Variants in ATP2A1 observed in about 807,000 individuals in gnomAD.
ATP2A1 encodes the protein ATPase sarcoplasmic/endoplasmic reticulum Ca2+ transporting 1.
A neutral mutation model predicts 109.5 loss-of-function variants in ATP2A1; 83 were observed. The ratio of observed to expected loss-of-function variants is 0.76; its 90% CI spans 0.63 to 0.91. The LOEUF (loss-of-function observed/expected upper bound fraction) is 0.91, where lower values mean the gene tolerates loss of function less well. ATP2A1 is among the 40% of genes least tolerant of loss of function. The pLI, the probability that ATP2A1 is intolerant of heterozygous loss-of-function variation, is 0.00. For missense variants in ATP2A1, 1,101 were observed against 1,341.0 expected, an observed-to-expected ratio of 0.82 and a Z score of 2.80; for synonymous variants, 505 against 537.6, an observed-to-expected ratio of 0.94 and a Z score of 0.84.
Position 28,887,676 on chromosome 16 carries a change from C to T in ATP2A1, c.882C>T (p.Tyr294=). ...HGGSWFRGAI[Y]YFKIAVALAV... ...GCTCCTGGTTCCGCGGGGCCATCTA[C>T]TACTTTAAGATTGCCGTGGCCTTGG... is the stretch of plus-strand genomic sequence containing the variant. Residue 294 remains tyrosine (Y), a synonymous_variant, in exon 8 of 23, where the codon TAC becomes TAT. Transcript: ENST00000395503. The T allele has an allele frequency of 6.2e-7, 1 of 1,614,164 alleles. No homozygotes were observed.
At position 28,887,445 on chromosome 16, in the gene ATP2A1, C is replaced by G; in HGVS notation, c.651C>G (p.Gly217=). ...MLFSGTNIAA[G]KALGIVATTG... ...CCCAGGGCACCAACATTGCAGCCGG[C>G]AAGGCCTTGGGCATCGTGGCCACCA... The change falls in exon 8 of 23, where the codon GGC becomes GGG. Residue 217 remains glycine (G), a synonymous_variant. Coordinates refer to ENST00000395503, the MANE Select transcript of ATP2A1 (RefSeq NM_004320.6). 6.2e-7 allele frequency: 1 copy of G among 1,614,062 alleles called. No homozygotes were observed. The highest frequency in any genetic ancestry group is 8.5e-7 in the Non-Finnish European group (1 of 1,180,018).
chr16:28,903,553 G>T lies in ATP2A1; in HGVS notation c.2980+113G>T. 1 of 1,236,470 alleles carries T rather than the reference G, an allele frequency of 8.1e-7. No homozygotes were observed. 76.6% of individuals were successfully genotyped at this position (1,236,470 alleles called of 1,614,324 possible). On this transcript the variant is annotated intron_variant, in intron 21 of 22. Coordinates refer to ENST00000395503, the MANE Select transcript of ATP2A1 (RefSeq NM_004320.6). This position sits in a 1 kb window ranked among gnomAD's most constrained non-coding sequence, Gnocchi z 5.6. Reference sequence around the variant, plus strand: ...GGTGGTAAGTTTCTCAGCCCTGGCAGGACCTGTGTCCGCCCCGTTCCCCCT... The same window carrying T: ...GGTGGTAAGTTTCTCAGCCCTGGCATGACCTGTGTCCGCCCCGTTCCCCCT...
chr16:28,902,120 G>T lies in ATP2A1; in HGVS notation c.2321+37G>T, dbSNP rs773544576. 2 of 1,613,872 alleles carry T rather than the reference G, an allele frequency of 1.2e-6. No individual in the cohort carries two copies. The highest frequency in any genetic ancestry group is 1.3e-5 in the African/African-American group (1 of 74,946). ...GGTGGGCGTCCAGGAGGAAGCCGGG[G>T]TTAGGGTGGGGTGGCTGCAGGTCTG... On this transcript the variant is annotated intron_variant, in intron 16 of 22. Transcript: ENST00000395503. This position sits in a 1 kb window ranked among gnomAD's most constrained non-coding sequence, Gnocchi z 4.8.
At chr16:28,899,989 A>T (rs1964025142) in intron 14 of ATP2A1, among the ~76,000 whole-genome samples, 1 of 145,042 alleles carries the variant, frequency 6.9e-6, no homozygotes, top group African/African-American at 2.6e-5. Flanking sequence ...AAACAAAAAC[A>T]AAAAAAAGGA....
Position 28,902,640 on chromosome 16 carries a change from G to T in ATP2A1, c.2585G>T (p.Gly862Val). The change falls in exon 18 of 23, where the codon GGG (glycine) becomes GTG (valine). Residue 862 changes from glycine (G) to valine (V), a missense_variant. Transcript: ENST00000395503. This position sits in a 1 kb window ranked among gnomAD's most constrained non-coding sequence, Gnocchi z 4.8. ...AAWWFLYAED[G>V]PHVNYSQLTH... ...TGGTGGTTCCTGTACGCTGAGGATG[G>T]GCCTCATGTCAACTACAGCCAGCTG... 6.2e-7 allele frequency: 1 copy of T among 1,614,022 alleles called. No individual in the cohort carries two copies. The highest frequency in any genetic ancestry group is 8.5e-7 in the Non-Finnish European group (1 of 1,179,952).
At chr16:28,890,322 C>T (rs1963734437) in intron 9 of ATP2A1, among the ~76,000 whole-genome samples, 1 of 147,426 alleles carries the variant, frequency 6.8e-6, no homozygotes, top group Non-Finnish European at 1.5e-5. Context: ...AAAAATTAGC[C>T]TGATGTGGTG....
In ATP2A1 at chr16:28,887,544, G is replaced by A; in HGVS notation, c.750G>A (p.Gln250=). 6.2e-7 allele frequency: 1 copy of A among 1,613,978 alleles called. No individual in the cohort carries two copies. Among genetic ancestry groups the A allele is most frequent in the South Asian group, 1.1e-5 (1 of 91,064 alleles). ...CAGAACAGGACAAGACCCCCTTGCA[G>A]CAGAAGCTGGATGAGTTTGGGGAGC... is the stretch of plus-strand genomic sequence containing the variant. The part of the protein sequence containing the change: ...AATEQDKTPL[Q]QKLDEFGEQL... The change falls in exon 8 of 23, where the codon CAG becomes CAA. Residue 250 remains glutamine, a synonymous_variant. Transcript: ENST00000395503.
chr16:28,894,339 C>A, intron 10 of ATP2A1, 96 bp downstream of exon 10: 1 of 1,364,716 alleles, frequency 7.3e-7, no homozygotes. Flanking sequence ...TCTCCTTTCA[C>A]TCTCCTCTTC....
rs190680230 is a variant in ATP2A1 at position 28,890,042 on chromosome 16, T to C, written c.1095+1089T>C. 1.5e-3 allele frequency among the ~76,000 whole-genome samples: 234 copies of C among 152,170 alleles called. 1 individual carries two copies. Among genetic ancestry groups the C allele is most frequent in the Non-Finnish European group, 1.1e-3 (75 of 68,004 alleles). ...CAGTAATCCCAGCTACTGGGGAGGC[T>C]GAGGCAGGAAAATTGCTTCAACCCG... On this transcript the variant is annotated intron_variant, in intron 9 of 22. Transcript: ENST00000395503.
rs1048418768 is a variant in ATP2A1 at position 28,883,087 on chromosome 16, C to G, written c.463+498C>G. Among the ~76,000 whole-genome samples, 10 of 152,348 alleles carry G rather than the reference C, an allele frequency of 6.6e-5. No individual in the cohort carries two copies. In the East Asian group the frequency reaches 7.7e-4, roughly 12 times the overall value. The stretch of plus-strand genomic sequence containing the variant: ...TCAGGCCTGGCACAGAGCACGCGAC[C>G]GGGGAGGAGGGAGCTCAAGGAGGGC... On this transcript the variant is annotated intron_variant, in intron 5 of 22. Transcript: ENST00000395503. This position sits in a 1 kb window ranked among gnomAD's most constrained non-coding sequence, Gnocchi z 5.2.
In ATP2A1 at chr16:28,902,685, G is replaced by A. The variant is rs1268395192; in HGVS notation, c.2610+20G>A. The A allele has an allele frequency of 5.0e-6, 8 of 1,614,026 alleles. No homozygotes were observed. Among genetic ancestry groups the A allele is most frequent in the South Asian group, 1.1e-5 (1 of 91,076 alleles). ...CAGCTGGTAGGGGGAGGCCACAAAG[G>A]AGGGGACCAGGAGGGTGTGGGGATG... On this transcript the variant is annotated intron_variant, in intron 18 of 22. Coordinates refer to ENST00000395503, the MANE Select transcript of ATP2A1 (RefSeq NM_004320.6). The surrounding 1 kb of genome is among the most constrained non-coding windows in gnomAD (Gnocchi z 4.8).
rs1473132387 is a variant in ATP2A1, at chr16:28,879,210, C to G, written c.136+94C>G. On this transcript the variant is annotated intron_variant, in intron 2 of 22. Coordinates refer to ENST00000395503, the MANE Select transcript of ATP2A1 (RefSeq NM_004320.6). ...TCCCTGCCTCTTTAGATTCTTTGAG[C>G]AAATATCCCTTCCCAAAAGGCAAAT... 3 of 1,471,334 alleles carry G rather than the reference C, an allele frequency of 2.0e-6. No individual in the cohort carries two copies. The Admixed American group carries it at 5.0e-5, about 25-fold the overall frequency. The allele number at this position is 1,471,334 out of a possible 1,614,324, so 91.1% of individuals were successfully genotyped here. A position where few individuals can be genotyped will look rare whatever the true frequency, so the allele number is the denominator to read the frequency against.
chr16:28,903,325 G>A lies in ATP2A1; in HGVS notation c.2865G>A (p.Met955Ile). The A allele has an allele frequency of 6.2e-7, 1 of 1,613,640 alleles. No individual in the cohort carries two copies. The highest frequency in any genetic ancestry group is 8.5e-7 in the Non-Finnish European group (1 of 1,179,670). ...AGGGCGCTTGTCCCCTGCCCCAGAT[G>A]ATCTTCAAGCTCCGGGCCCTGGACC... The part of the protein sequence containing the change: ...FLILYVDPLP[M>I]IFKLRALDLT... The change falls in exon 21 of 23, where the codon ATG (methionine) becomes ATA (isoleucine). Residue 955 changes from methionine to isoleucine, a missense_variant and splice_region_variant. Coordinates refer to ENST00000395503, the MANE Select transcript of ATP2A1 (RefSeq NM_004320.6). This position sits in a 1 kb window ranked among gnomAD's most constrained non-coding sequence, Gnocchi z 5.6.
chr16:28,890,979 G>A (rs1212321298), intron 9 of ATP2A1, among the ~76,000 whole-genome samples: 5 of 151,856 alleles, frequency 3.3e-5, no homozygotes, highest in South Asian at 2.1e-4. Flanking sequence ...GAGCCACTGC[G>A]CCCGGCCAGG....
chr16:28,894,116 A>C, intron 9 of ATP2A1, 39 bp from the exon 10 acceptor site: 7 of 1,572,940 alleles, frequency 4.5e-6, no homozygotes, highest in African/African-American at 1.4e-5. Flanking sequence ...TGGGATGGGA[A>C]GAGGTGGACA....
chr16:28,879,892 C>A (rs1963406117), intron 3 of ATP2A1: 2 of 704,830 alleles, frequency 2.8e-6, no homozygotes, highest in Non-Finnish European at 3.7e-6. Context: ...CGGGTCCCGC[C>A]GCGATGCCGG....
At position 28,887,178 on chromosome 16, in the gene ATP2A1, C is replaced by T; in HGVS notation, c.545-11C>T. ...ATGTCATCCGAAAACCCCTTGGCCC[C>T]TTCTCCACAGGCGAGTCTGTATCTG... On this transcript the variant is annotated splice_polypyrimidine_tract_variant and intron_variant, in intron 6 of 22. Coordinates refer to ENST00000395503, the MANE Select transcript of ATP2A1 (RefSeq NM_004320.6). 3.7e-6 allele frequency: 6 copies of T among 1,613,822 alleles called. No homozygotes were observed. The highest frequency in any genetic ancestry group is 2.7e-5 in the African/African-American group (2 of 74,930).
In ATP2A1 at chr16:28,888,693, A is replaced by G. The variant is rs867729183; in HGVS notation, c.929-94A>G. 1.2e-5 allele frequency: 18 copies of G among 1,451,304 alleles called. No homozygotes were observed. The African/African-American group carries it at 2.2e-4, about 18-fold the overall frequency. The allele number at this position is 1,451,304 out of a possible 1,614,324, so 89.9% of individuals were successfully genotyped here. A position where few individuals can be genotyped will look rare whatever the true frequency, so the allele number is the denominator to read the frequency against. ...GTGCTAGGATTATAGGTGTGCACCA[A>G]CGTGCCCAGCTGGGGGCTACTATTT... On this transcript the variant is annotated intron_variant, in intron 8 of 22. Coordinates refer to ENST00000395503, the MANE Select transcript of ATP2A1 (RefSeq NM_004320.6).
intron 6 of ATP2A1, among the ~76,000 whole-genome samples, chr16:28,886,033 T>G (rs1963606438): frequency 6.6e-6 from 1 of 152,030 alleles, no homozygotes; most frequent in South Asian, 2.1e-4. Context: ...TAGCTGGGTG[T>G]GGTGGTGTGC....
Sources: allele counts gnomAD v4.1 joint callset (sites outside exome capture counted in the v4.1 genomes callset), GRCh38; gene constraint gnomAD v4.1.1; non-coding constraint Gnocchi (gnomAD v3.1); transcripts MANE v1.5; gene names NCBI Gene and HGNC (gene_info 2026-07-23, HGNC 2026-07-21).